Variants in ST6GALNAC3 observed in about 807,000 individuals in gnomAD.
ST6GALNAC3 encodes the protein alpha-N-acetylgalactosaminide alpha-2,6-sialyltransferase 3.
ST6GALNAC3 carries 25 observed loss-of-function variants against 32.7 expected under a neutral mutation model. The observed-to-expected ratio is 0.76, with a 90% CI of 0.56 to 1.07. The LOEUF (loss-of-function observed/expected upper bound fraction) is 1.07. ST6GALNAC3 is among the 50% of genes least tolerant of loss of function. ST6GALNAC3 has a pLI of 0.00. For synonymous variants in ST6GALNAC3, 129 were observed against 133.1 expected, an observed-to-expected ratio of 0.97 and a Z score of 0.21; for missense variants, 355 against 382.4, an observed-to-expected ratio of 0.93 and a Z score of 0.60.
intron 1 of ST6GALNAC3, among the ~76,000 whole-genome samples, chr1:76,085,867 A>G (rs775451298): frequency 6.6e-6 from 1 of 152,248 alleles, no homozygotes. Context: ...ATTTAAATCA[A>G]TTTAGCAATT....
downstream of ST6GALNAC3, among the ~76,000 whole-genome samples, chr1:76,635,045 T>G (rs2100750126): frequency 6.6e-6 from 1 of 152,312 alleles, no homozygotes; most frequent in Admixed American, 6.5e-5. Flanking sequence ...AAAATGTTGG[T>G]CTGCCTCTGG....
chr1:76,605,149 A>AG (rs1482482707), intron 3 of ST6GALNAC3, among the ~76,000 whole-genome samples: 2 of 152,222 alleles, frequency 1.3e-5, no homozygotes, highest in African/African-American at 4.8e-5. Flanking sequence ...ACAACGTGTT[A>AG]GGTTATACAT....
chr1:76,144,009 C>T (rs1339094096), intron 1 of ST6GALNAC3, among the ~76,000 whole-genome samples: 2 of 152,206 alleles, frequency 1.3e-5, no homozygotes, highest in African/African-American at 4.8e-5. Context: ...TCCCATGTCA[C>T]TGTGAGCAGT....
rs555701848 is a variant in ST6GALNAC3, at chr1:76,242,532, C to T, written c.19-71273C>T. Among the ~76,000 whole-genome samples, 4 of 152,086 alleles carry T rather than the reference C, an allele frequency of 2.6e-5. No individual in the cohort carries two copies. The East Asian group carries it at 7.8e-4, about 29-fold the overall frequency. ...ATACATGTGGCATGGTGGTTTGGTG[C>T]ACCTATCAACCCATCATCTAGGTAT... On this transcript the variant is annotated intron_variant, in intron 1 of 4. Coordinates refer to ENST00000328299, the MANE Select transcript of ST6GALNAC3 (RefSeq NM_152996.4).
chr1:76,132,030 C>T (rs1395804984), intron 1 of ST6GALNAC3, among the ~76,000 whole-genome samples: 1 of 152,166 alleles, frequency 6.6e-6, no homozygotes, highest in African/African-American at 2.4e-5. Flanking sequence ...CACACAATGC[C>T]ACCATTCCAC....
At chr1:76,305,306 A>T (rs1019935285) in intron 1 of ST6GALNAC3, among the ~76,000 whole-genome samples, 1 of 152,154 alleles carries the variant, frequency 6.6e-6, no homozygotes, top group Non-Finnish European at 1.5e-5. Flanking sequence ...GGGATAATGA[A>T]CAGCATGACA....
chr1:76,572,261 C>A (rs1283560584), intron 3 of ST6GALNAC3, among the ~76,000 whole-genome samples: 2 of 152,038 alleles, frequency 1.3e-5, no homozygotes, highest in East Asian at 3.9e-4. Flanking sequence ...ATAACATATC[C>A]TTTCCTCTTT....
chr1:76,153,709 A>C (rs1310064355), intron 1 of ST6GALNAC3, among the ~76,000 whole-genome samples: 2 of 152,216 alleles, frequency 1.3e-5, no homozygotes, highest in African/African-American at 2.4e-5. Context: ...TGTTTAAAAC[A>C]CTAACCATGG....
At chr1:76,476,977 A>G (rs1281850420) in intron 3 of ST6GALNAC3, among the ~76,000 whole-genome samples, 1 of 152,102 alleles carries the variant, frequency 6.6e-6, no homozygotes, top group East Asian at 1.9e-4. Flanking sequence ...TGGACCCAGG[A>G]GTGAAATATC....
chr1:76,510,246 C>A (rs913112988), intron 3 of ST6GALNAC3, among the ~76,000 whole-genome samples: 1 of 152,142 alleles, frequency 6.6e-6, no homozygotes, highest in Non-Finnish European at 1.5e-5. Flanking sequence ...TGGCCAACAA[C>A]TTTAAAATGG....
At chr1:76,211,742 A>C (rs1655175911) in intron 1 of ST6GALNAC3, among the ~76,000 whole-genome samples, 1 of 152,102 alleles carries the variant, frequency 6.6e-6, no homozygotes, top group African/African-American at 2.4e-5. Flanking sequence ...CAATGAGAAC[A>C]CATGGACACA....
At chr1:76,593,656 T>C (rs1647084456) in intron 3 of ST6GALNAC3, among the ~76,000 whole-genome samples, 1 of 152,224 alleles carries the variant, frequency 6.6e-6, no homozygotes, top group African/African-American at 2.4e-5. Flanking sequence ...AGACACTTTA[T>C]CTGAAATTCT....
At chr1:76,087,698 C>A (rs540434538) in intron 1 of ST6GALNAC3, among the ~76,000 whole-genome samples, 2 of 152,160 alleles carry the variant, frequency 1.3e-5, no homozygotes, top group East Asian at 3.9e-4. Flanking sequence ...AAAGGTCATA[C>A]TACTAGTAGA....
At chr1:76,347,502 A>G (rs1648618456) in intron 2 of ST6GALNAC3, among the ~76,000 whole-genome samples, 1 of 152,042 alleles carries the variant, frequency 6.6e-6, no homozygotes, top group African/African-American at 2.4e-5. Context: ...ATAAGTTTAT[A>G]TATATATATA....
At chr1:76,291,222 G>T (rs1362274013) in intron 1 of ST6GALNAC3, among the ~76,000 whole-genome samples, 1 of 152,170 alleles carries the variant, frequency 6.6e-6, no homozygotes, top group South Asian at 2.1e-4. Context: ...ATTTTACAAC[G>T]GCATATCGAA....
intron 3 of ST6GALNAC3, among the ~76,000 whole-genome samples, chr1:76,485,217 C>T (rs1660029268): frequency 1.3e-5 from 2 of 152,162 alleles, no homozygotes; most frequent in African/African-American, 4.8e-5. Flanking sequence ...GCTTTGGTAT[C>T]AGGATGATGC....
At chr1:76,350,789 A>G (rs1309849989) in intron 2 of ST6GALNAC3, among the ~76,000 whole-genome samples, 1 of 152,178 alleles carries the variant, frequency 6.6e-6, no homozygotes, top group Non-Finnish European at 1.5e-5. Flanking sequence ...TACTTACACT[A>G]ATATATGGGC....
chr1:76,220,264 A>G (rs1432570117), intron 1 of ST6GALNAC3, among the ~76,000 whole-genome samples: 1 of 152,146 alleles, frequency 6.6e-6, no homozygotes, highest in Non-Finnish European at 1.5e-5. Flanking sequence ...TTATCTACCT[A>G]ATTTGTATTT....
At chr1:76,572,397 A>G (rs1468439176) in intron 3 of ST6GALNAC3, among the ~76,000 whole-genome samples, 1 of 152,140 alleles carries the variant, frequency 6.6e-6, no homozygotes, top group Non-Finnish European at 1.5e-5. Context: ...ATAAGAATAG[A>G]GAAAAAATAA....
Sources: allele counts gnomAD v4.1 joint callset (sites outside exome capture counted in the v4.1 genomes callset), GRCh38; gene constraint gnomAD v4.1.1; transcripts MANE v1.5; gene names NCBI Gene and HGNC (gene_info 2026-07-23, HGNC 2026-07-21).